Variants in TBC1D22A observed in about 807,000 individuals in gnomAD.
TBC1D22A encodes putative GTPase activator.
A neutral mutation model predicts 60.2 loss-of-function variants in TBC1D22A; 38 were observed. The observed-to-expected ratio is 0.63, with a 90% CI of 0.49 to 0.83. TBC1D22A has a LOEUF of 0.83. Ranked by LOEUF, TBC1D22A falls within the 40% of genes least tolerant of loss-of-function variation. The probability of loss-of-function intolerance (pLI) is 0.00; values close to 1 mark genes in which losing one functional copy is unlikely to be tolerated. For missense variants in TBC1D22A, 628 were observed against 701.0 expected (o/e 0.90, Z 1.18); for synonymous variants, 302 against 281.7 (o/e 1.07, Z -0.72).
intron 1 of TBC1D22A, among the ~76,000 whole-genome samples, chr22:46,788,044 C>G (rs1448058400): frequency 6.7e-6 from 1 of 150,302 alleles, no homozygotes; most frequent in Admixed American, 6.7e-5. Flanking sequence ...TCACACCATT[C>G]TCTTGCCTCA....
At chr22:46,941,798 A>ATATACG (rs549216585) in intron 8 of TBC1D22A, among the ~76,000 whole-genome samples, 5 of 143,318 alleles carry the variant, frequency 3.5e-5, no homozygotes, top group African/African-American at 8.1e-5. Flanking sequence ...TAGAATATAT[A>ATATACG]GAATATATAT....
intron 1 of TBC1D22A, among the ~76,000 whole-genome samples, chr22:46,783,355 C>G (rs563386192): frequency 6.6e-6 from 1 of 152,204 alleles, no homozygotes; most frequent in Non-Finnish European, 1.5e-5. Context: ...GTCCAGGCCA[C>G]GCACACCTCA....
At chr22:46,987,693 T>C (rs1410318034) in intron 9 of TBC1D22A, among the ~76,000 whole-genome samples, 1 of 152,326 alleles carries the variant, frequency 6.6e-6, no homozygotes, top group East Asian at 1.9e-4. Flanking sequence ...CTTCAGCAAG[T>C]TGTAATCTTT....
chr22:47,112,169 T>C (rs1225381482), intron 12 of TBC1D22A, among the ~76,000 whole-genome samples: 1 of 152,206 alleles, frequency 6.6e-6, no homozygotes, highest in African/African-American at 2.4e-5. Context: ...TGTGGACTAG[T>C]GTCCAGCCCC....
chr22:47,054,017 C>T (rs890634188), intron 11 of TBC1D22A, among the ~76,000 whole-genome samples: 2 of 152,166 alleles, frequency 1.3e-5, no homozygotes, highest in Admixed American at 1.3e-4. Flanking sequence ...CATCCGGCTT[C>T]GAAGGGACAG....
chr22:47,149,333 C>T (rs2067411998), intron 12 of TBC1D22A, among the ~76,000 whole-genome samples: 1 of 152,234 alleles, frequency 6.6e-6, no homozygotes, highest in South Asian at 2.1e-4. Context: ...TTATTTCCCT[C>T]AAATGGCTTT....
At position 47,173,788 on chromosome 22, in the gene TBC1D22A, A is replaced by G; in HGVS notation, c.*162A>G. ...TGAAGATGGGCCACAGACCTGGTCT[A>G]GGGCTGACAAAGACAGGGACAGCCT... On this transcript the variant is annotated 3_prime_UTR_variant, in exon 13 of 13. Transcript: ENST00000337137. The G allele has an allele frequency of 8.9e-7, 1 of 1,122,972 alleles. No individual in the cohort carries two copies. The highest frequency in any genetic ancestry group is 1.2e-6 in the Non-Finnish European group (1 of 801,004). The allele number at this position is 1,122,972 out of a possible 1,614,324, so 69.6% of individuals were successfully genotyped here.
At chr22:47,022,600 C>T (rs567158004) in intron 10 of TBC1D22A, among the ~76,000 whole-genome samples, 2 of 151,612 alleles carry the variant, frequency 1.3e-5, no homozygotes, top group African/African-American at 2.4e-5. Flanking sequence ...AAGCTCTGCA[C>T]GGGTTCCTTT....
chr22:46,971,297 G>C (rs1380998441), intron 8 of TBC1D22A, among the ~76,000 whole-genome samples: 1 of 152,176 alleles, frequency 6.6e-6, no homozygotes, highest in Non-Finnish European at 1.5e-5. Flanking sequence ...AGCTGCCACA[G>C]CCCAGCTGCA....
At chr22:47,147,327 G>A (rs900884679) in intron 12 of TBC1D22A, among the ~76,000 whole-genome samples, 11 of 152,230 alleles carry the variant, frequency 7.2e-5, no homozygotes, top group Admixed American at 6.5e-4. Context: ...TTTTGTTCTC[G>A]TAAAAACCAT....
chr22:46,787,830 G>A (rs1387257869), intron 1 of TBC1D22A, among the ~76,000 whole-genome samples: 4 of 152,100 alleles, frequency 2.6e-5, no homozygotes, highest in Non-Finnish European at 4.4e-5. Context: ...GGAATTTGGG[G>A]GAAGTGAATC....
At position 46,841,245 on chromosome 22, in the gene TBC1D22A, C is replaced by A. The variant is rs553445647; in HGVS notation, c.638-37408C>A. Among the ~76,000 whole-genome samples the A allele has an allele frequency of 2.8e-4, 43 of 152,252 alleles. 1 individual carries two copies. The East Asian group carries it at 6.6e-3, about 23-fold the overall frequency. Reference sequence around the variant, plus strand: ...GGAGCCCTCATGGATGAGGTTAGGGCCCTTAGAAAGAGGCCTGAGGAAGTG... The same window carrying A: ...GGAGCCCTCATGGATGAGGTTAGGGACCTTAGAAAGAGGCCTGAGGAAGTG... On this transcript the variant is annotated intron_variant, in intron 4 of 12. Coordinates refer to ENST00000337137, the MANE Select transcript of TBC1D22A (RefSeq NM_014346.5).
chr22:46,798,831 C>T (rs2084773982), intron 4 of TBC1D22A, among the ~76,000 whole-genome samples: 1 of 152,220 alleles, frequency 6.6e-6, no homozygotes, highest in African/African-American at 2.4e-5. Context: ...AGGAGCCATG[C>T]AGGGGCCATA....
chr22:46,787,495 G>T (rs1458206412), intron 1 of TBC1D22A, among the ~76,000 whole-genome samples: 3 of 152,112 alleles, frequency 2.0e-5, no homozygotes, highest in African/African-American at 4.8e-5. Context: ...TGAAAAGTTG[G>T]TTTACTGCTA....
At chr22:47,162,457 G>T (rs535901722) in intron 12 of TBC1D22A, among the ~76,000 whole-genome samples, 1 of 152,176 alleles carries the variant, frequency 6.6e-6, no homozygotes, top group Non-Finnish European at 1.5e-5. Flanking sequence ...ACCCTTGACC[G>T]AGCCTCCTGC....
At chr22:46,971,860 C>T (rs563572352) in intron 8 of TBC1D22A, among the ~76,000 whole-genome samples, 152 of 152,336 alleles carry the variant, frequency 1.0e-3, no homozygotes, top group Non-Finnish European at 8.4e-4. Flanking sequence ...CAGGTCAACC[C>T]GGGCTCCTGC....
chr22:46,798,222 C>T (rs1209070780), intron 4 of TBC1D22A, among the ~76,000 whole-genome samples: 1 of 152,226 alleles, frequency 6.6e-6, no homozygotes, highest in African/African-American at 2.4e-5. Flanking sequence ...TTATTGCTGC[C>T]CTTGGTGAGC....
intron 4 of TBC1D22A, among the ~76,000 whole-genome samples, chr22:46,840,679 G>A (rs1458310180): frequency 6.6e-6 from 1 of 151,884 alleles, no homozygotes; most frequent in Non-Finnish European, 1.5e-5. Flanking sequence ...GTTGCAGTGA[G>A]CCGAGATTGC....
chr22:47,133,354 G>A (rs1291502844), intron 12 of TBC1D22A, among the ~76,000 whole-genome samples: 1 of 152,138 alleles, frequency 6.6e-6, no homozygotes, highest in Non-Finnish European at 1.5e-5. Flanking sequence ...GCTTGGGGTG[G>A]GGCCTCTGAA....
Sources: allele counts gnomAD v4.1 joint callset (sites outside exome capture counted in the v4.1 genomes callset), GRCh38; gene constraint gnomAD v4.1.1; transcripts MANE v1.5; gene names NCBI Gene and HGNC (gene_info 2026-07-23, HGNC 2026-07-21).